Variants in GRHL2 observed in about 807,000 individuals in gnomAD.
GRHL2 encodes grainyhead-like protein 2 homolog.
A neutral mutation model predicts 83.8 loss-of-function variants in GRHL2; 21 were observed. The observed-to-expected ratio is 0.25, with a 90% confidence interval of 0.18 to 0.36. The LOEUF (loss-of-function observed/expected upper bound fraction) is 0.36. Among genes scored for constraint, GRHL2 ranks in the 10% least tolerant of loss-of-function variants. The pLI is 1.00. For missense variants in GRHL2, 623 were observed against 781.8 expected, an observed-to-expected ratio of 0.80 and a Z score of 2.42; for synonymous variants, 280 against 278.9, an observed-to-expected ratio of 1.00 and a Z score of -0.04.
At chr8:101,567,915 G>GAA (rs1269222351) in intron 4 of GRHL2, among the ~76,000 whole-genome samples, 3 of 152,184 alleles carry the variant, frequency 2.0e-5, no homozygotes, top group Admixed American at 6.5e-5. Context: ...GATTCACCTG[G>GAA]TTTTTATGGA....
chr8:101,633,238 T>C (rs1050557889), intron 11 of GRHL2, among the ~76,000 whole-genome samples: 11 of 152,210 alleles, frequency 7.2e-5, no homozygotes, highest in Admixed American at 1.3e-4. Context: ...AAAGAAAAAA[T>C]AATTATTTCC....
chr8:101,545,870 A>ATTTTTTTTTTTTTTTTTT (rs1174568425), intron 2 of GRHL2, among the ~76,000 whole-genome samples: 5 of 83,636 alleles, frequency 6.0e-5, no homozygotes, highest in Non-Finnish European at 7.2e-5. Flanking sequence ...TCTTTGTAAC[A>ATTTTTTTTTTTTTTTTTT]TTTTTTTTTT....
At chr8:101,577,898 A>G (rs1811965545) in intron 7 of GRHL2, among the ~76,000 whole-genome samples, 2 of 152,210 alleles carry the variant, frequency 1.3e-5, no homozygotes, top group South Asian at 4.1e-4. Flanking sequence ...TGTGACCCTA[A>G]AGCCATTTGG....
At chr8:101,671,153 G>T (rs1183851661), downstream of GRHL2, among the ~76,000 whole-genome samples, 1 of 152,190 alleles carries the variant, frequency 6.6e-6, no homozygotes, top group Admixed American at 6.5e-5. Flanking sequence ...ATCTCACTAG[G>T]GAGTGCCAGA....
downstream of GRHL2, among the ~76,000 whole-genome samples, chr8:101,672,419 G>A (rs951324973): frequency 4.6e-5 from 7 of 151,660 alleles, 1 homozygote; most frequent in African/African-American, 1.7e-4. Context: ...AGAAGCCTCA[G>A]GAGCCAATGC....
At position 101,666,727 on chromosome 8, in the gene GRHL2, G is replaced by A. The variant is rs749960865; in HGVS notation, c.*24G>A. ...AGCCCTGGGTTTGGCATCCGCTTTG[G>A]CTGGAGCTCTCAGTGCGTTCCTCCC... On this transcript the variant is annotated 3_prime_UTR_variant, in exon 16 of 16. Transcript: ENST00000646743. The A allele has an allele frequency of 1.4e-6, 2 of 1,441,976 alleles. No individual in the cohort carries two copies. The highest frequency in any genetic ancestry group is 9.8e-7 in the Non-Finnish European group (1 of 1,023,476). The allele number at this position is 1,441,976 out of a possible 1,614,324, so 89.3% of individuals were successfully genotyped here.
chr8:101,677,522 T>C, the GRHL2 span, among the ~76,000 whole-genome samples: 5 of 3,546 alleles, frequency 1.4e-3, no homozygotes, highest in Non-Finnish European at 4.4e-3. Context: ...TAAATACTGG[T>C]ATTGGAAAAA....
intron 2 of GRHL2, among the ~76,000 whole-genome samples, chr8:101,550,228 G>T (rs924038026): frequency 2.6e-5 from 4 of 150,958 alleles, no homozygotes; most frequent in Non-Finnish European, 5.9e-5. Context: ...TTAGATTTGG[G>T]GATATGTGTG....
chr8:101,521,308 CA>C (rs1810678140), intron 1 of GRHL2, among the ~76,000 whole-genome samples: 1 of 152,190 alleles, frequency 6.6e-6, no homozygotes, highest in Admixed American at 6.5e-5. Flanking sequence ...GTAGTCCTAC[CA>C]CACATGATCG....
chr8:101,503,718 G>T (rs1241960407), intron 1 of GRHL2, among the ~76,000 whole-genome samples: 1 of 152,138 alleles, frequency 6.6e-6, no homozygotes, highest in Non-Finnish European at 1.5e-5. Context: ...TCATGGTTTA[G>T]TGAGATGATG....
chr8:101,528,808 A>G (rs1810860344), intron 1 of GRHL2: 4 of 330,030 alleles, frequency 1.2e-5, no homozygotes, highest in South Asian at 3.0e-5. Context: ...CTTTCTGGAG[A>G]TTGAAGAGCC....
rs184353082 is a variant in GRHL2, at chr8:101,610,695, A to G, written c.1099-8844A>G. Among the ~76,000 whole-genome samples the G allele has an allele frequency of 1.2e-3, 177 of 151,194 alleles. 11 individuals are homozygous for G. The highest frequency in any genetic ancestry group is 3.6e-3 in the Admixed American group (55 of 15,262). ...AAGTGAGTCCCAGAAAGGTTAGACA[A>G]TGAGTCCAAGGCTGTAGTGCTAGGG... On this transcript the variant is annotated intron_variant, in intron 8 of 15. Coordinates refer to ENST00000646743, the MANE Select transcript of GRHL2 (RefSeq NM_024915.4).
At chr8:101,594,163 GCGGAGAT>G (rs540441172) in intron 7 of GRHL2, among the ~76,000 whole-genome samples, 8 of 151,546 alleles carry the variant, frequency 5.3e-5, no homozygotes, top group East Asian at 1.9e-4. Context: ...GAAGACAGAA[GCGGAGAT>G]CGGAGATCGG....
At chr8:101,537,820 G>A (rs988191634) in intron 1 of GRHL2, among the ~76,000 whole-genome samples, 1 of 152,116 alleles carries the variant, frequency 6.6e-6, no homozygotes, top group Non-Finnish European at 1.5e-5. Context: ...ACAAACCAAT[G>A]TCCTTGTAGA....
intron 1 of GRHL2, among the ~76,000 whole-genome samples, chr8:101,517,447 C>G (rs73701915): frequency 0.054 from 8,151 of 152,252 alleles, 292 homozygotes; most frequent in African/African-American, 0.094. Context: ...GCAGCTGCCA[C>G]AATAACATTA....
At chr8:101,552,841 T>G in intron 3 of GRHL2, 59 bp downstream of exon 3, 1 of 1,495,952 alleles carries the variant, frequency 6.7e-7, no homozygotes, top group Non-Finnish European at 9.2e-7. Context: ...ACAATGTTAT[T>G]AAACTGTATG....
At position 101,667,723 on chromosome 8, in the gene GRHL2, G is replaced by A. The variant is rs1342932663; in HGVS notation, c.*1020G>A. The A allele has an allele frequency of 6.5e-6, 1 of 152,696 alleles. No individual in the cohort carries two copies. Among genetic ancestry groups the A allele is most frequent in the Non-Finnish European group, 1.5e-5 (1 of 68,118 alleles). The allele number at this position is 152,696 out of a possible 1,614,324, so 9.5% of individuals were successfully genotyped here. A position where few individuals can be genotyped will look rare whatever the true frequency, so the allele number is the denominator to read the frequency against. ...GTCTGAGACCCCAGCTCCTTCTCCA[G>A]CTTTGGCTGCGGGCATGGCCTGAGC... On this transcript the variant is annotated 3_prime_UTR_variant, in exon 16 of 16. Coordinates refer to ENST00000646743, the MANE Select transcript of GRHL2 (RefSeq NM_024915.4).
At chr8:101,654,745 C>T (rs541380188) in intron 14 of GRHL2, among the ~76,000 whole-genome samples, 1 of 152,290 alleles carries the variant, frequency 6.6e-6, no homozygotes, top group East Asian at 1.9e-4. Context: ...GACAGTGTTC[C>T]TACAGCCTAC....
At chr8:101,607,231 G>A (rs1563604638) in intron 8 of GRHL2, among the ~76,000 whole-genome samples, 1 of 152,232 alleles carries the variant, frequency 6.6e-6, no homozygotes, top group Non-Finnish European at 1.5e-5. Flanking sequence ...AACGGATCAT[G>A]CTTTCCAAAG....
Sources: allele counts gnomAD v4.1 joint callset (sites outside exome capture counted in the v4.1 genomes callset), GRCh38; gene constraint gnomAD v4.1.1; transcripts MANE v1.5; gene names NCBI Gene and HGNC (gene_info 2026-07-23, HGNC 2026-07-21).